DPY19L2: variants seen among roughly 807,000 people sequenced by gnomAD.
DPY19L2 encodes probable C-mannosyltransferase DPY19L2.
A neutral mutation model predicts 97.9 loss-of-function variants in DPY19L2; 34 were observed. The ratio of observed to expected loss-of-function variants is 0.35; its 90% CI spans 0.26 to 0.46. DPY19L2 has a LOEUF of 0.46. Ranked by LOEUF, DPY19L2 falls within the 20% of genes least tolerant of loss-of-function variation. The pLI is 1.00. For synonymous variants in DPY19L2, 230 were observed against 307.9 expected (o/e 0.75, Z 2.65); for missense variants, 623 against 911.4 (o/e 0.68, Z 4.07).
chr12:63,659,695 G>A (rs1248302211), intron 4 of DPY19L2, among the ~76,000 whole-genome samples: 3 of 152,022 alleles, frequency 2.0e-5, no homozygotes, highest in Non-Finnish European at 2.9e-5. Flanking sequence ...CGATTGTACC[G>A]AGACAATTAA....
chr12:63,561,870 T>C (rs906596101), intron 21 of DPY19L2, among the ~76,000 whole-genome samples: 55 of 152,196 alleles, frequency 3.6e-4, no homozygotes, highest in African/African-American at 1.3e-3. Flanking sequence ...AGTTCAAAAC[T>C]CTTTTCCAGA....
chr12:63,642,872 A>G (rs1331418116), intron 6 of DPY19L2, among the ~76,000 whole-genome samples: 1 of 152,116 alleles, frequency 6.6e-6, no homozygotes, highest in Non-Finnish European at 1.5e-5. Flanking sequence ...AAAGCTTTTT[A>G]ATATCAAGTC....
At chr12:63,603,448 C>A (rs918939313) in intron 12 of DPY19L2, among the ~76,000 whole-genome samples, 2 of 152,098 alleles carry the variant, frequency 1.3e-5, no homozygotes, top group African/African-American at 2.4e-5. Flanking sequence ...ATGGTGGTTT[C>A]CTGCACCTAT....
intron 11 of DPY19L2, among the ~76,000 whole-genome samples, chr12:63,610,841 C>CA (rs56044043): frequency 0.016 from 174 of 10,758 alleles, 34 homozygotes; most frequent in East Asian, 0.028. Context: ...ATGAATATAG[C>CA]AAAAAAAAAA....
At chr12:63,574,796 C>G (rs193194267) in intron 19 of DPY19L2, among the ~76,000 whole-genome samples, 19 of 151,946 alleles carry the variant, frequency 1.3e-4, no homozygotes, top group South Asian at 2.1e-4. Context: ...TACTGGAGCA[C>G]CCGGATATAT....
chr12:63,596,838 G>A (rs902428134), intron 14 of DPY19L2, among the ~76,000 whole-genome samples: 2 of 152,082 alleles, frequency 1.3e-5, no homozygotes, highest in African/African-American at 2.4e-5. Flanking sequence ...TAGAATCCAC[G>A]TCCTGATCTT....
At chr12:63,627,520 T>C (rs779221409) in intron 6 of DPY19L2, among the ~76,000 whole-genome samples, 3 of 152,088 alleles carry the variant, frequency 2.0e-5, no homozygotes, top group Non-Finnish European at 2.9e-5. Flanking sequence ...CTGGCGATTT[T>C]TGTATTTTTA....
chr12:63,620,327 CA>C (rs1304860315), intron 9 of DPY19L2: 6 of 187,434 alleles, frequency 3.2e-5, no homozygotes, highest in African/African-American at 1.4e-4. Flanking sequence ...ACAGACAAAA[CA>C]GCCAACATTC....
intron 7 of DPY19L2, among the ~76,000 whole-genome samples, chr12:63,625,344 C>T (rs1889353580): frequency 6.6e-6 from 1 of 151,372 alleles, no homozygotes; most frequent in Non-Finnish European, 1.5e-5. Flanking sequence ...TTGCAGTGAG[C>T]TGAGATCACG....
At chr12:63,571,110 T>C (rs986843738) in intron 19 of DPY19L2, among the ~76,000 whole-genome samples, 1 of 152,120 alleles carries the variant, frequency 6.6e-6, no homozygotes, top group Non-Finnish European at 1.5e-5. Flanking sequence ...TTCACAGTTC[T>C]AAGGGGTAGG....
intron 11 of DPY19L2, among the ~76,000 whole-genome samples, chr12:63,615,643 A>T (rs1887702781): frequency 1.3e-5 from 2 of 152,184 alleles, no homozygotes; most frequent in Admixed American, 6.5e-5. Context: ...AACCAGGCAG[A>T]TATGCAGGAA....
chr12:63,592,027 A>AG (rs1883130004), intron 16 of DPY19L2, among the ~76,000 whole-genome samples: 1 of 5,064 alleles, frequency 2.0e-4, no homozygotes, highest in African/African-American at 1.0e-3. Flanking sequence ...AGGGGAGGGG[A>AG]GGGGAGGGGA....
At chr12:63,609,395 G>C (rs1886588804) in intron 11 of DPY19L2, among the ~76,000 whole-genome samples, 1 of 152,080 alleles carries the variant, frequency 6.6e-6, no homozygotes, top group Non-Finnish European at 1.5e-5. Flanking sequence ...TTAATCCCCA[G>C]TGTGATAGTG....
At chr12:63,606,515 T>C (rs1004070477) in intron 12 of DPY19L2, among the ~76,000 whole-genome samples, 7 of 152,186 alleles carry the variant, frequency 4.6e-5, no homozygotes, top group African/African-American at 1.7e-4. Context: ...TTTTAATCTC[T>C]TAGTGCGATA....
intron 16 of DPY19L2, among the ~76,000 whole-genome samples, chr12:63,586,898 G>A (rs940100698): frequency 5.9e-5 from 9 of 152,002 alleles, no homozygotes; most frequent in Admixed American, 2.0e-4. Context: ...TGAAAAGCAC[G>A]ATGAATAGAA....
intron 16 of DPY19L2, among the ~76,000 whole-genome samples, chr12:63,584,710 T>C (rs530381545): frequency 3.5e-4 from 53 of 152,270 alleles, no homozygotes; most frequent in African/African-American, 1.2e-3. Context: ...GTAACCCTTT[T>C]CTGACTTAAT....
chr12:63,605,206 C>G (rs1335344414), intron 12 of DPY19L2, among the ~76,000 whole-genome samples: 2 of 152,036 alleles, frequency 1.3e-5, no homozygotes, highest in African/African-American at 4.8e-5. Flanking sequence ...GTGAGAGACA[C>G]CAGGATTGTG....
chr12:63,654,004 AAAAT>A (rs1296478687), intron 4 of DPY19L2, among the ~76,000 whole-genome samples: 16 of 152,004 alleles, frequency 1.1e-4, no homozygotes, highest in African/African-American at 3.1e-4. Context: ...AAAAAAAATA[AAAAT>A]AAATAAACAA....
At chr12:63,621,125 A>G (rs11175075) in intron 9 of DPY19L2, 113 bp downstream of exon 9, 161,009 of 683,320 alleles carry the variant, frequency 0.24, 19,660 homozygotes, top group African/African-American at 0.48. Context: ...ATGGGTTGAT[A>G]GATGCAAAAA....
Sources: gnomAD v4.1 joint callset for allele counts (sites outside exome capture counted in the v4.1 genomes callset) on GRCh38, gnomAD v4.1.1 for gene constraint, MANE v1.5 for transcripts, NCBI Gene and HGNC (gene_info 2026-07-23, HGNC 2026-07-21) for gene names.